Variants in ZZEF1 observed in about 807,000 individuals in gnomAD.
The protein encoded by ZZEF1 is zinc finger ZZ-type and EF-hand domain-containing protein 1.
ZZEF1 carries 157 observed loss-of-function variants against 342.8 expected under a neutral mutation model. That is an observed-to-expected ratio of 0.46 (90% CI 0.40 to 0.52). ZZEF1 has a LOEUF of 0.52. Ranked by LOEUF, ZZEF1 falls within the 20% of genes least tolerant of loss-of-function variation. The pLI is 0.00. For missense variants in ZZEF1, 3,480 were observed against 3,725.6 expected (o/e 0.93, Z 1.72); for synonymous variants, 1,505 against 1,429.1 (o/e 1.05, Z -1.20).
At chr17:4,057,793 T>A (rs2057197326) in intron 32 of ZZEF1, among the ~76,000 whole-genome samples, 1 of 152,190 alleles carries the variant, frequency 6.6e-6, no homozygotes, top group African/African-American at 2.4e-5. Context: ...GCACCATTGT[T>A]ATCTCCAGCT....
rs1387294945 is a variant in ZZEF1, at chr17:4,021,338, C to T, written c.7213-18G>A. 2 of 1,583,776 alleles carry T rather than the reference C, an allele frequency of 1.3e-6. No individual in the cohort carries two copies. Among genetic ancestry groups the T allele is most frequent in the South Asian group, 1.1e-5 (1 of 87,644 alleles). ...GACAAAATCTACACAGAAAGAAAAT[C>T]CAGCTGAATGTGAGCACTCAGTGGG... On this transcript the variant is annotated intron_variant, in intron 44 of 54. Transcript: ENST00000381638.
chr17:4,017,208 C>T lies in ZZEF1; in HGVS notation c.8001+163G>A. 4 of 1,024,238 alleles carry T rather than the reference C, an allele frequency of 3.9e-6. No individual in the cohort carries two copies. The South Asian group carries it at 7.0e-5, about 18-fold the overall frequency. 63.4% of individuals were successfully genotyped at this position (1,024,238 alleles called of 1,614,324 possible). ...CCCCTGAGTTCCTCACTAGCCCAAT[C>T]CTTGGGAGAGGATACAGTGACCCTA... On this transcript the variant is annotated intron_variant, in intron 48 of 54. Transcript: ENST00000381638. The surrounding 1 kb of genome is among the most constrained non-coding windows in gnomAD (Gnocchi z 5.1).
intron 38 of ZZEF1, among the ~76,000 whole-genome samples, chr17:4,043,851 T>C (rs2145122300): frequency 6.6e-6 from 1 of 152,304 alleles, no homozygotes; most frequent in African/African-American, 2.4e-5. Flanking sequence ...CAACACCCAC[T>C]TACACCTCAT....
At chr17:4,042,153 A>G (rs1294850000) in intron 39 of ZZEF1, among the ~76,000 whole-genome samples, 1 of 152,194 alleles carries the variant, frequency 6.6e-6, no homozygotes, top group Non-Finnish European at 1.5e-5. Context: ...ACCTTCATTC[A>G]TTGTTCTTTG....
In ZZEF1 at chr17:4,042,240, T is replaced by C. The variant is rs547053558; in HGVS notation, c.6306+189A>G. 3.4e-5 allele frequency among the ~76,000 whole-genome samples: 5 copies of C among 148,040 alleles called. No homozygotes were observed. The East Asian group carries it at 1.0e-3, about 30-fold the overall frequency. ...ATTATAAGCATTATATATAAATATA[T>C]TGTTTTATACACACACACACATATA... On this transcript the variant is annotated intron_variant, in intron 39 of 54. Coordinates refer to ENST00000381638, the MANE Select transcript of ZZEF1 (RefSeq NM_015113.4).
intron 2 of ZZEF1, among the ~76,000 whole-genome samples, chr17:4,120,811 G>A (rs2058470767): frequency 6.6e-6 from 1 of 152,068 alleles, no homozygotes. Context: ...TTCCTATGAT[G>A]GAAAAAGTGT....
intron 11 of ZZEF1, among the ~76,000 whole-genome samples, chr17:4,095,354 C>T (rs1403196469): frequency 6.6e-6 from 1 of 152,240 alleles, no homozygotes; most frequent in Non-Finnish European, 1.5e-5. Context: ...ACTGTTGATA[C>T]TGCAAGTTTT....
chr17:4,102,817 C>A (rs1010921483), intron 8 of ZZEF1, among the ~76,000 whole-genome samples: 5 of 151,960 alleles, frequency 3.3e-5, no homozygotes, highest in Admixed American at 6.6e-5. Flanking sequence ...TTCTTTAAAT[C>A]ATCTCTGCAG....
At chr17:4,023,572 C>T (rs2056324703) in intron 43 of ZZEF1, among the ~76,000 whole-genome samples, 2 of 148,456 alleles carry the variant, frequency 1.3e-5, no homozygotes, top group South Asian at 4.2e-4. Context: ...GTAACCCCAG[C>T]ACTTCAAGAG....
Position 4,078,062 on chromosome 17 carries a change from CA to C in ZZEF1, c.2830-21del. 1 of 1,605,994 alleles carries C rather than the reference CA, an allele frequency of 6.2e-7. No homozygotes were observed. Among genetic ancestry groups the C allele is most frequent in the Non-Finnish European group, 8.5e-7 (1 of 1,174,490 alleles). ...CTCGCACTACAAGGGAGGAGACAAA[CA>C]GAAAGTGTTCGTGACAAGGCCATTC... is the stretch of plus-strand genomic sequence containing the variant. On this transcript the variant is annotated intron_variant, in intron 18 of 54. Coordinates refer to ENST00000381638, the MANE Select transcript of ZZEF1 (RefSeq NM_015113.4).
chr17:4,073,128 A>G (rs924212438), intron 24 of ZZEF1, among the ~76,000 whole-genome samples: 8 of 152,262 alleles, frequency 5.3e-5, no homozygotes, highest in Non-Finnish European at 1.2e-4. Flanking sequence ...GTAGCAAATA[A>G]TAAATATCCA....
rs528034514 is a variant in ZZEF1 at position 4,097,232 on chromosome 17, A to G, written c.1673-532T>C. Among the ~76,000 whole-genome samples the G allele has an allele frequency of 2.8e-4, 42 of 149,268 alleles. No homozygotes were observed. The East Asian group carries it at 8.1e-3, about 29-fold the overall frequency. On this transcript the variant is annotated intron_variant, in intron 9 of 54. Transcript: ENST00000381638. Reference sequence around the variant, plus strand: ...GTGCCACTGCACTCCAGCCTGGGCAACAGAGTGAAACTCCGTCTCAAAAAA... The same window carrying G: ...GTGCCACTGCACTCCAGCCTGGGCAGCAGAGTGAAACTCCGTCTCAAAAAA...
chr17:4,092,558 C>T (rs1466957258), intron 11 of ZZEF1, among the ~76,000 whole-genome samples: 2 of 152,108 alleles, frequency 1.3e-5, no homozygotes, highest in Non-Finnish European at 2.9e-5. Context: ...CCACCCGCCT[C>T]GGCCTTCCAA....
Position 4,075,133 on chromosome 17 carries a change from G to T in ZZEF1, c.3447C>A (p.Arg1149=), listed in dbSNP as rs1273027030. 1 of 1,614,104 alleles carries T rather than the reference G, an allele frequency of 6.2e-7. No individual in the cohort carries two copies. The highest frequency in any genetic ancestry group is 1.3e-5 in the African/African-American group (1 of 74,934). Residue 1149 remains arginine (R), a synonymous_variant, in exon 23 of 55, where the codon CGC becomes CGA. Coordinates refer to ENST00000381638, the MANE Select transcript of ZZEF1 (RefSeq NM_015113.4). The stretch of plus-strand genomic sequence containing the variant: ...TATCAGTGCCAACTTTTGTGTCATA[G>T]CGTGTTTTCCGACCTCTAGCGTCGG... ...EFTDARGRKT[R]YDTKVGTDKW... is the part of the protein sequence containing the mutation.
At chr17:4,120,428 A>G (rs778124125) in intron 2 of ZZEF1, among the ~76,000 whole-genome samples, 9 of 152,120 alleles carry the variant, frequency 5.9e-5, no homozygotes, top group Non-Finnish European at 1.3e-4. Context: ...TGTTCTCCAG[A>G]GGGACAGAAA....
chr17:4,130,712 G>C (rs540774098), intron 1 of ZZEF1, among the ~76,000 whole-genome samples: 1 of 152,090 alleles, frequency 6.6e-6, no homozygotes, highest in Non-Finnish European at 1.5e-5. Flanking sequence ...GTTTAAGAAA[G>C]ATGGAATGCA....
intron 1 of ZZEF1, among the ~76,000 whole-genome samples, chr17:4,134,914 G>C (rs1597948850): frequency 6.6e-6 from 1 of 152,300 alleles, no homozygotes; most frequent in African/African-American, 2.4e-5. Context: ...ATCTCAGGTA[G>C]AGGAGACAGA....
At position 4,090,852 on chromosome 17, in the gene ZZEF1, C is replaced by G. The variant is rs1445695389; in HGVS notation, c.1914-22G>C. 6 of 1,590,096 alleles carry G rather than the reference C, an allele frequency of 3.8e-6. No individual in the cohort carries two copies. The East Asian group carries it at 1.3e-4, about 35-fold the overall frequency. On this transcript the variant is annotated intron_variant, in intron 11 of 54. Coordinates refer to ENST00000381638, the MANE Select transcript of ZZEF1 (RefSeq NM_015113.4). ...AATCCTGTAAAGACAAGAGTATTCA[C>G]AAAACATTTTATTTTGAAACTTCTC...
At chr17:4,105,259 C>A (rs2058192136) in intron 7 of ZZEF1, among the ~76,000 whole-genome samples, 1 of 152,170 alleles carries the variant, frequency 6.6e-6, no homozygotes, top group Non-Finnish European at 1.5e-5. Context: ...GCAATAATGT[C>A]CTCAGGGCTC....
Sources: gnomAD v4.1 joint callset for allele counts (sites outside exome capture counted in the v4.1 genomes callset) on GRCh38, gnomAD v4.1.1 for gene constraint, Gnocchi (gnomAD v3.1) non-coding constraint, MANE v1.5 for transcripts, NCBI Gene and HGNC (gene_info 2026-07-23, HGNC 2026-07-21) for gene names.